The following ATP5PF variants were observed in gnomAD, a reference collection of about 807,000 sequenced individuals.
ATP5PF encodes the protein ATP synthase peripheral stalk subunit F6, mitochondrial.
ATP5PF carries 7 observed loss-of-function variants against 12.0 expected under a neutral mutation model. The ratio of observed to expected loss-of-function variants is 0.58; its 90% CI spans 0.33 to 1.10. ATP5PF has a LOEUF of 1.10. Ranked by LOEUF, ATP5PF falls within the 50% of genes least tolerant of loss-of-function variation. The pLI is 0.03. For missense variants in ATP5PF, 120 were observed against 127.7 expected (o/e 0.94, Z 0.29); for synonymous variants, 41 against 45.4 (o/e 0.90, Z 0.39).
intron 2 of ATP5PF, among the ~76,000 whole-genome samples, chr21:25,729,100 T>C (rs761373530): frequency 1.3e-5 from 2 of 152,216 alleles, no homozygotes; most frequent in South Asian, 2.1e-4. Context: ...TCAGAGTCTT[T>C]TGTCCTTTAA....
intron 1 of ATP5PF, among the ~76,000 whole-genome samples, chr21:25,731,851 G>A (rs762332874): frequency 2.6e-5 from 4 of 151,744 alleles, no homozygotes; most frequent in Non-Finnish European, 2.9e-5. Flanking sequence ...TTGGGAGGCC[G>A]AGGAGGGAGG....
Position 25,726,542 on chromosome 21 carries a change from T to C in ATP5PF, c.165-1192A>G, listed in dbSNP as rs1302735521. On this transcript the variant is annotated intron_variant, in intron 2 of 3. Coordinates refer to ENST00000284971, the MANE Select transcript of ATP5PF (RefSeq NM_001003703.2). ...GAGGTGGTAAGGGATTGGCTGTATG[T>C]GGGGAATGCTAAGGAGTCTAGATGG... 1.4e-4 allele frequency among the ~76,000 whole-genome samples: 21 copies of C among 152,284 alleles called. No individual in the cohort carries two copies. In the East Asian group the frequency reaches 3.5e-3, roughly 25 times the overall value.
intron 1 of ATP5PF, among the ~76,000 whole-genome samples, chr21:25,732,703 C>T (rs142359196): frequency 6.6e-6 from 1 of 150,528 alleles, no homozygotes; most frequent in East Asian, 2.0e-4. Flanking sequence ...TGATGGCTCA[C>T]GCCTGTAATC....
Position 25,734,869 on chromosome 21 carries a change from A to C in ATP5PF, c.-24T>G, listed in dbSNP as rs1340898190. ...CCCAGTCACCTTGCACTCAGTCCCG[A>C]GCTGCCAAAGCCTCCGCCGCCACCA... On this transcript the variant is annotated 5_prime_UTR_variant, in exon 1 of 4. Coordinates refer to ENST00000284971, the MANE Select transcript of ATP5PF (RefSeq NM_001003703.2). 3 of 1,544,712 alleles carry C rather than the reference A, an allele frequency of 1.9e-6. No homozygotes were observed. Among genetic ancestry groups the C allele is most frequent in the East Asian group, 4.9e-5 (2 of 41,102 alleles).
intron 1 of ATP5PF, among the ~76,000 whole-genome samples, chr21:25,734,020 G>T (rs1601094443): frequency 6.6e-6 from 1 of 152,080 alleles, no homozygotes; most frequent in Non-Finnish European, 1.5e-5. Context: ...TAAGTCCTAC[G>T]AACTCATCCA....
upstream of ATP5PF, chr21:25,735,021 C>G (rs1484140325): frequency 4.6e-6 from 7 of 1,518,028 alleles, no homozygotes; most frequent in East Asian, 1.7e-4. Context: ...CAGTCTGCGA[C>G]CGGACGGGTC....
At position 25,724,566 on chromosome 21, in the gene ATP5PF, G is replaced by A; in HGVS notation, c.*74C>T. On this transcript the variant is annotated 3_prime_UTR_variant, in exon 4 of 4. Transcript: ENST00000284971. The stretch of plus-strand genomic sequence containing the variant: ...AACATTTGACAGTTATGAAATGCAT[G>A]TTTATTCTGAAACTTCTAACTAGTT... The A allele has an allele frequency of 2.0e-6, 3 of 1,484,780 alleles. No homozygotes were observed. The South Asian group carries it at 3.6e-5, about 18-fold the overall frequency. The allele number at this position is 1,484,780 out of a possible 1,614,324, so 92.0% of individuals were successfully genotyped here. A position where few individuals can be genotyped will look rare whatever the true frequency, so the allele number is the denominator to read the frequency against.
rs2034963775 is a variant in ATP5PF, at chr21:25,734,887, C to T, written c.-42G>A. 2 of 1,553,556 alleles carry T rather than the reference C, an allele frequency of 1.3e-6. No individual in the cohort carries two copies. Among genetic ancestry groups the T allele is most frequent in the Non-Finnish European group, 8.7e-7 (1 of 1,152,388 alleles). ...AGTCCCGAGCTGCCAAAGCCTCCGC[C>T]GCCACCACCTCCGCTCTACTTCCGG... On this transcript the variant is annotated 5_prime_UTR_variant, in exon 1 of 4. Coordinates refer to ENST00000284971, the MANE Select transcript of ATP5PF (RefSeq NM_001003703.2).
At chr21:25,732,512 G>C (rs1286255881) in intron 1 of ATP5PF, among the ~76,000 whole-genome samples, 1 of 151,854 alleles carries the variant, frequency 6.6e-6, no homozygotes, top group African/African-American at 2.4e-5. Flanking sequence ...CAAGTGCGGT[G>C]GTGGGTGCCT....
chr21:25,733,901 A>C (rs1417932668), intron 1 of ATP5PF, among the ~76,000 whole-genome samples: 1 of 152,186 alleles, frequency 6.6e-6, no homozygotes, highest in Non-Finnish European at 1.5e-5. Context: ...TCATTGTTTC[A>C]ATTATCCACC....
At chr21:25,724,716 T>C (rs1256908646) in intron 3 of ATP5PF, 39 bp from the exon 4 acceptor site, 3 of 1,579,416 alleles carry the variant, frequency 1.9e-6, no homozygotes, top group East Asian at 2.3e-5. Flanking sequence ...CTTAGCCAAA[T>C]TGCAATAAAA....
At chr21:25,735,070 G>C, upstream of ATP5PF, 1 of 1,094,356 alleles carries the variant, frequency 9.1e-7, no homozygotes, top group Non-Finnish European at 1.3e-6. Flanking sequence ...GGAAGTGGAG[G>C]GTAAGTGCTT....
Position 25,734,862 on chromosome 21 carries a change from A to T in ATP5PF, c.-17T>A, listed in dbSNP as rs1328765426. 1 of 1,542,718 alleles carries T rather than the reference A, an allele frequency of 6.5e-7. No homozygotes were observed. Among genetic ancestry groups the T allele is most frequent in the Non-Finnish European group, 8.7e-7 (1 of 1,147,640 alleles). On this transcript the variant is annotated 5_prime_UTR_variant, in exon 1 of 4. Coordinates refer to ENST00000284971, the MANE Select transcript of ATP5PF (RefSeq NM_001003703.2). Reference sequence around the variant, plus strand: ...CTACCCTCCCAGTCACCTTGCACTCAGTCCCGAGCTGCCAAAGCCTCCGCC... The same window carrying T: ...CTACCCTCCCAGTCACCTTGCACTCTGTCCCGAGCTGCCAAAGCCTCCGCC...
At chr21:25,731,157 A>T (rs1313230957) in intron 1 of ATP5PF, among the ~76,000 whole-genome samples, 1 of 151,964 alleles carries the variant, frequency 6.6e-6, no homozygotes, top group Non-Finnish European at 1.5e-5. Flanking sequence ...CAGGAGAATC[A>T]CTTGAACTCA....
chr21:25,729,355 T>C (rs1487781264), intron 2 of ATP5PF, among the ~76,000 whole-genome samples: 3 of 152,246 alleles, frequency 2.0e-5, no homozygotes, highest in Non-Finnish European at 4.4e-5. Context: ...TATAAATTGA[T>C]GTGGTTTATA....
At position 25,724,604 on chromosome 21, in the gene ATP5PF, C is replaced by T. The variant is rs200700811; in HGVS notation, c.*36G>A. On this transcript the variant is annotated 3_prime_UTR_variant, in exon 4 of 4. Transcript: ENST00000284971. ...CTTCTAACTAGTTGTACAACTAATC[C>T]GTGACAAATTACCAGATTAATTTTA... 8.7e-4 allele frequency: 1,385 copies of T among 1,597,196 alleles called. 16 individuals carry two copies. In the South Asian group the frequency reaches 0.011, roughly 13 times the overall value.
intron 3 of ATP5PF, 42 bp downstream of exon 3, chr21:25,725,184 C>T (rs762237466): frequency 5.7e-6 from 9 of 1,578,564 alleles, no homozygotes; most frequent in African/African-American, 1.4e-5. Context: ...ATATTCTTCA[C>T]TTATCCCCCA....
At position 25,724,977 on chromosome 21, in the gene ATP5PF, G is replaced by C. The variant is rs1476551568; in HGVS notation, c.289+249C>G. 4 of 596,904 alleles carry C rather than the reference G, an allele frequency of 6.7e-6. No homozygotes were observed. In the Admixed American group the frequency reaches 1.5e-4, roughly 22 times the overall value. 37.0% of individuals were successfully genotyped at this position (596,904 alleles called of 1,614,324 possible). A position where few individuals can be genotyped will look rare whatever the true frequency, so the allele number is the denominator to read the frequency against. ...ATTACTCAAGATTACACAGCTGAAA[G>C]TGATTATAAGGATTCAAGATTGGGC... is the stretch of plus-strand genomic sequence containing the variant. On this transcript the variant is annotated intron_variant, in intron 3 of 3. Coordinates refer to ENST00000284971, the MANE Select transcript of ATP5PF (RefSeq NM_001003703.2).
chr21:25,734,137 A>G (rs1434329441), intron 1 of ATP5PF, among the ~76,000 whole-genome samples: 2 of 152,210 alleles, frequency 1.3e-5, no homozygotes, highest in African/African-American at 2.4e-5. Flanking sequence ...AACGCAGAAG[A>G]TAGTCATTAC....
Sources: gnomAD v4.1 joint callset for allele counts (sites outside exome capture counted in the v4.1 genomes callset) on GRCh38, gnomAD v4.1.1 for gene constraint, MANE v1.5 for transcripts, NCBI Gene and HGNC (gene_info 2026-07-23, HGNC 2026-07-21) for gene names.